Variants in DSCAM observed in about 807,000 individuals in gnomAD.
The protein encoded by DSCAM is DS cell adhesion molecule.
In DSCAM, 47 loss-of-function variants were observed where a neutral mutation model predicts 217.7. That is an observed-to-expected ratio of 0.22 (90% CI 0.17 to 0.28). The LOEUF (loss-of-function observed/expected upper bound fraction) is 0.28, where lower values mean the gene tolerates loss of function less well. DSCAM is among the 10% of genes least tolerant of loss of function. The probability of loss-of-function intolerance (pLI) is 1.00; values close to 1 mark genes in which losing one functional copy is unlikely to be tolerated. For synonymous variants in DSCAM, 1,056 were observed against 1,015.3 expected (o/e 1.04, Z -0.76); for missense variants, 2,080 against 2,618.3 (o/e 0.79, Z 4.49).
At chr21:40,333,304 C>A (rs751146191) in intron 8 of DSCAM, among the ~76,000 whole-genome samples, 7 of 152,174 alleles carry the variant, frequency 4.6e-5, no homozygotes, top group Non-Finnish European at 8.8e-5. Context: ...AAACTACAAT[C>A]CTGACCATTG....
chr21:40,090,870 T>C (rs2089600021), intron 21 of DSCAM, among the ~76,000 whole-genome samples: 1 of 152,224 alleles, frequency 6.6e-6, no homozygotes, highest in African/African-American at 2.4e-5. Flanking sequence ...TCCAAATGTC[T>C]GTACCTCCTC....
chr21:40,013,690 A>G (rs2088104333), intron 32 of DSCAM, among the ~76,000 whole-genome samples: 1 of 152,202 alleles, frequency 6.6e-6, no homozygotes, highest in Admixed American at 6.5e-5. Context: ...GTTGAAAGAA[A>G]AACATACATC....
At chr21:40,579,329 AG>A (rs540936966) in intron 3 of DSCAM, among the ~76,000 whole-genome samples, 72 of 152,286 alleles carry the variant, frequency 4.7e-4, no homozygotes, top group African/African-American at 1.7e-3. Context: ...AGAAGCAGTG[AG>A]GAAAAAAAGC....
intron 3 of DSCAM, among the ~76,000 whole-genome samples, chr21:40,628,867 C>T (rs888274619): frequency 4.6e-5 from 7 of 152,156 alleles, no homozygotes; most frequent in African/African-American, 1.7e-4. Context: ...CTCAACTCAG[C>T]CTACTGAGTA....
intron 11 of DSCAM, among the ~76,000 whole-genome samples, chr21:40,261,230 C>T (rs2073445424): frequency 1.3e-5 from 2 of 152,176 alleles, no homozygotes; most frequent in African/African-American, 4.8e-5. Context: ...CCCTCTGAAA[C>T]TCACAGTGAA....
chr21:40,022,439 T>C (rs1568893487), intron 32 of DSCAM, among the ~76,000 whole-genome samples: 1 of 152,238 alleles, frequency 6.6e-6, no homozygotes, highest in East Asian at 1.9e-4. Flanking sequence ...CTTATTTCAC[T>C]TTAATTCTAC....
chr21:40,203,501 C>A (rs1260535627), intron 11 of DSCAM, among the ~76,000 whole-genome samples: 2 of 152,196 alleles, frequency 1.3e-5, no homozygotes, highest in East Asian at 3.9e-4. Context: ...TTTTCTAGTA[C>A]CCTGCGTGCA....
At chr21:40,804,611 C>T (rs1239040723) in intron 1 of DSCAM, among the ~76,000 whole-genome samples, 2 of 152,164 alleles carry the variant, frequency 1.3e-5, no homozygotes, top group Admixed American at 6.5e-5. Context: ...CTCACCCTAA[C>T]CTGCCTCCTG....
At position 40,369,136 on chromosome 21, in the gene DSCAM, C is replaced by T; in HGVS notation, c.618G>A (p.Glu206=). The T allele has an allele frequency of 6.2e-7, 1 of 1,612,646 alleles. No homozygotes were observed. The highest frequency in any genetic ancestry group is 1.3e-5 in the African/African-American group (1 of 74,990). Residue 206 remains glutamate, a synonymous_variant, in exon 4 of 33, where the codon GAG becomes GAA. Coordinates refer to ENST00000400454, the MANE Select transcript of DSCAM (RefSeq NM_001389.5). The stretch of plus-strand genomic sequence containing the variant: ...GTCTGGCGCTGTTGCTCTGCCTCGT[C>T]TCTCCGGTGTATCGATGCCGCGTGA... ...RCITRHRYTG[E]TRQSNSARLF... is the part of the protein sequence containing the mutation.
chr21:40,094,991 A>T (rs2089658273), intron 20 of DSCAM, among the ~76,000 whole-genome samples: 1 of 152,216 alleles, frequency 6.6e-6, no homozygotes, highest in Non-Finnish European at 1.5e-5. Flanking sequence ...AGTCTGTATT[A>T]GTCCATTTTC....
At chr21:40,161,972 A>G (rs1472899089) in intron 16 of DSCAM, among the ~76,000 whole-genome samples, 1 of 152,230 alleles carries the variant, frequency 6.6e-6, no homozygotes, top group Non-Finnish European at 1.5e-5. Flanking sequence ...AAAGAAAAGG[A>G]TACTACGTAA....
At chr21:40,667,740 C>A (rs1007881464) in intron 3 of DSCAM, among the ~76,000 whole-genome samples, 3 of 152,124 alleles carry the variant, frequency 2.0e-5, no homozygotes, top group Non-Finnish European at 4.4e-5. Flanking sequence ...TCTCTCCTGT[C>A]GCCATGTGAA....
intron 1 of DSCAM, among the ~76,000 whole-genome samples, chr21:40,713,187 T>A (rs1354813913): frequency 6.6e-6 from 1 of 152,168 alleles, no homozygotes; most frequent in Non-Finnish European, 1.5e-5. Flanking sequence ...TGGGGTGAGA[T>A]CTGAGGGTCA....
At chr21:40,738,896 C>T (rs1398214556) in intron 1 of DSCAM, among the ~76,000 whole-genome samples, 1 of 152,156 alleles carries the variant, frequency 6.6e-6, no homozygotes, top group African/African-American at 2.4e-5. Context: ...GTCACACGGA[C>T]AATCCCCAAC....
chr21:40,577,335 C>G (rs554645527), intron 3 of DSCAM, among the ~76,000 whole-genome samples: 1 of 151,556 alleles, frequency 6.6e-6, no homozygotes, highest in South Asian at 2.1e-4. Context: ...CCTACCTGAC[C>G]CCGGGGTGAG....
intron 10 of DSCAM, among the ~76,000 whole-genome samples, chr21:40,294,093 T>G (rs2073927059): frequency 6.6e-5 from 10 of 152,234 alleles, no homozygotes; most frequent in Admixed American, 6.5e-4. Flanking sequence ...CTAATTTTTT[T>G]CTTTGATGAC....
intron 8 of DSCAM, among the ~76,000 whole-genome samples, chr21:40,331,260 G>A (rs1323694074): frequency 6.6e-6 from 1 of 152,166 alleles, no homozygotes; most frequent in African/African-American, 2.4e-5. Flanking sequence ...AACAGCTAAT[G>A]AGCAAATGTC....
In DSCAM at chr21:40,625,156, C is replaced by G. The variant is rs545388311; in HGVS notation, c.508+67654G>C. On this transcript the variant is annotated intron_variant, in intron 3 of 32. Transcript: ENST00000400454. ...AATTTCTGAAACAGGAATGAGTAAC[C>G]TGAAAAAATGAGAGATGTTGATGAA... Among the ~76,000 whole-genome samples the G allele has an allele frequency of 5.3e-5, 8 of 151,372 alleles. 1 individual carries two copies. In the East Asian group the frequency reaches 1.6e-3, roughly 29 times the overall value.
intron 3 of DSCAM, among the ~76,000 whole-genome samples, chr21:40,489,847 C>T (rs1481405295): frequency 6.7e-6 from 1 of 149,636 alleles, no homozygotes; most frequent in Admixed American, 6.7e-5. Flanking sequence ...AAGACATCTT[C>T]CATCCCCTAA....
Sources: gnomAD v4.1 joint callset for allele counts (sites outside exome capture counted in the v4.1 genomes callset) on GRCh38, gnomAD v4.1.1 for gene constraint, MANE v1.5 for transcripts, NCBI Gene and HGNC (gene_info 2026-07-23, HGNC 2026-07-21) for gene names.